The following NLRP13 variants were observed in gnomAD, a reference collection of about 807,000 sequenced individuals.
The protein encoded by NLRP13 is NACHT, LRR and PYD domains-containing protein 13.
In NLRP13, 82 loss-of-function variants were observed where a neutral mutation model predicts 94.4. The observed-to-expected ratio is 0.87, with a 90% CI of 0.73 to 1.04. The LOEUF is 1.04. NLRP13 is among the 50% of genes least tolerant of loss of function. NLRP13 has a pLI of 0.00. For missense variants in NLRP13, 1,426 were observed against 1,230.8 expected (o/e 1.16, Z -2.37); for synonymous variants, 553 against 464.7 (o/e 1.19, Z -2.45).
At chr19:55,895,543 C>A (rs1160460390), downstream of NLRP13, among the ~76,000 whole-genome samples, 1 of 151,932 alleles carries the variant, frequency 6.6e-6, no homozygotes, top group Admixed American at 6.6e-5. Flanking sequence ...ATTAGCTGGG[C>A]GTGGTGGTGG....
In NLRP13 at chr19:55,912,899, G is replaced by C. The variant is rs1169577867; in HGVS notation, c.918C>G (p.Leu306=). 6.2e-7 allele frequency: 1 copy of C among 1,614,174 alleles called. No homozygotes were observed. The highest frequency in any genetic ancestry group is 8.5e-7 in the Non-Finnish European group (1 of 1,180,026). ...CCTCAAAGCCATCAATAATAAACAG[G>C]AGCTTCTCTGGTTGAGACATGAACT... The part of the protein sequence containing the change: ...IEEFMSQPEK[L]LFIIDGFEEI... The change falls in exon 5 of 11, where the codon CTC becomes CTG. Residue 306 remains leucine, a synonymous_variant. Coordinates refer to ENST00000342929, the MANE Select transcript of NLRP13 (RefSeq NM_176810.2).
At chr19:55,911,053 C>G (rs1015086206) in intron 5 of NLRP13, among the ~76,000 whole-genome samples, 3 of 152,118 alleles carry the variant, frequency 2.0e-5, no homozygotes, top group Admixed American at 6.5e-5. Flanking sequence ...CTACATCTGT[C>G]AGGGTGTGGG....
At chr19:55,921,851 G>A (rs545331028) in intron 4 of NLRP13, among the ~76,000 whole-genome samples, 1 of 152,270 alleles carries the variant, frequency 6.6e-6, no homozygotes, top group South Asian at 2.1e-4. Flanking sequence ...CACCAGAGCT[G>A]GAAGAGACCA....
Position 55,923,949 on chromosome 19 carries a change from G to T in NLRP13, c.488C>A (p.Pro163Gln), listed in dbSNP as rs775539329. The T allele has an allele frequency of 1.2e-6, 2 of 1,613,748 alleles. No individual in the cohort carries two copies. Among genetic ancestry groups the T allele is most frequent in the Non-Finnish European group, 1.7e-6 (2 of 1,179,788 alleles). ...GNVQAQGCQD[P>Q]NQEEPEMLEE... ...TAGCATCTCTGGTTCTTCTTGGTTT[G>T]GATCTTGGCATCCCTGGGCCTGTAC... The change falls in exon 4 of 11, where the codon CCA (proline) becomes CAA (glutamine). Residue 163 changes from proline to glutamine, a missense_variant. Pro to Gln is a moderately conservative substitution (Grantham distance 76). Coordinates refer to ENST00000342929, the MANE Select transcript of NLRP13 (RefSeq NM_176810.2).
At chr19:55,895,599 C>T (rs1434393871), downstream of NLRP13, among the ~76,000 whole-genome samples, 2 of 151,476 alleles carry the variant, frequency 1.3e-5, no homozygotes, top group East Asian at 2.0e-4. Flanking sequence ...AGGAAAATTG[C>T]TTAAACCCGG....
intron 7 of NLRP13, among the ~76,000 whole-genome samples, chr19:55,907,388 A>G (rs1466643731): frequency 6.6e-6 from 1 of 152,120 alleles, no homozygotes; most frequent in African/African-American, 2.4e-5. Context: ...CCTGGGAAAC[A>G]TGGCAAAACC....
intron 7 of NLRP13, 152 bp from the exon 8 acceptor site, chr19:55,905,264 A>T: frequency 1.1e-6 from 1 of 900,488 alleles, no homozygotes; most frequent in South Asian, 1.8e-5. Flanking sequence ...AAAAAGGGCC[A>T]GGCGCAGTGG....
At chr19:55,892,311 T>G (rs1274154179), downstream of NLRP13, among the ~76,000 whole-genome samples, 1 of 152,158 alleles carries the variant, frequency 6.6e-6, no homozygotes, top group Non-Finnish European at 1.5e-5. Flanking sequence ...AACCCTTGCC[T>G]CCTTCCTACT....
At chr19:55,894,576 A>G (rs1985948455), downstream of NLRP13, among the ~76,000 whole-genome samples, 1 of 152,104 alleles carries the variant, frequency 6.6e-6, no homozygotes, top group Non-Finnish European at 1.5e-5. Flanking sequence ...CTCAGGATCA[A>G]TGGTACCGCC....
At chr19:55,927,053 A>G (rs2123146968) in intron 1 of NLRP13, among the ~76,000 whole-genome samples, 1 of 152,160 alleles carries the variant, frequency 6.6e-6, no homozygotes, top group East Asian at 1.9e-4. Context: ...ACCAACCCAA[A>G]AGAGAGAATA....
At chr19:55,899,462 A>G (rs12462776) in intron 9 of NLRP13, among the ~76,000 whole-genome samples, 14,537 of 151,286 alleles carry the variant, frequency 0.096, 1,185 homozygotes, top group East Asian at 0.32. Flanking sequence ...GAGTCATCCA[A>G]AATCCTTAAA....
intron 10 of NLRP13, among the ~76,000 whole-genome samples, 157 bp downstream of exon 10, chr19:55,898,612 TG>T (rs1435045922): frequency 6.6e-6 from 1 of 152,204 alleles, no homozygotes; most frequent in Non-Finnish European, 1.5e-5. Flanking sequence ...CCCAAAGTGC[TG>T]GGGTTACGGG....
At chr19:55,925,666 AG>A (rs1191385782) in intron 1 of NLRP13, among the ~76,000 whole-genome samples, 2 of 152,206 alleles carry the variant, frequency 1.3e-5, no homozygotes, top group African/African-American at 4.8e-5. Flanking sequence ...CTCATGAGCT[AG>A]AAGACCTCTT....
At chr19:55,920,919 T>A (rs1986806683) in intron 4 of NLRP13, among the ~76,000 whole-genome samples, 1 of 152,112 alleles carries the variant, frequency 6.6e-6, no homozygotes, top group Non-Finnish European at 1.5e-5. Context: ...TACACATATA[T>A]ACACACCCAG....
intron 8 of NLRP13, among the ~76,000 whole-genome samples, chr19:55,904,554 T>G (rs943382504): frequency 1.3e-5 from 2 of 152,212 alleles, no homozygotes; most frequent in African/African-American, 4.8e-5. Flanking sequence ...TCTACTTTGT[T>G]TTTCTTCATA....
At chr19:55,920,203 T>C (rs1456349252) in intron 4 of NLRP13, among the ~76,000 whole-genome samples, 1 of 152,202 alleles carries the variant, frequency 6.6e-6, no homozygotes, top group African/African-American at 2.4e-5. Flanking sequence ...GATTTAAATG[T>C]AAGACCTGAA....
chr19:55,903,803 C>G (rs556352676), intron 8 of NLRP13, among the ~76,000 whole-genome samples: 1 of 152,288 alleles, frequency 6.6e-6, no homozygotes, highest in South Asian at 2.1e-4. Context: ...AATCCTATAA[C>G]CTCCCCATGG....
intron 7 of NLRP13, 62 bp downstream of exon 7, chr19:55,907,730 T>G (rs991545844): frequency 2.0e-6 from 3 of 1,520,824 alleles, no homozygotes; most frequent in East Asian, 4.5e-5. Context: ...TCCCAGTGGA[T>G]CGTGGAAGCT....
intron 4 of NLRP13, among the ~76,000 whole-genome samples, chr19:55,917,666 T>TA (rs966851131): frequency 3.9e-5 from 6 of 151,990 alleles, no homozygotes; most frequent in Admixed American, 3.9e-4. Context: ...AGCAACAGTT[T>TA]AAAAAAAGGC....
Sources: gnomAD v4.1 joint callset for allele counts (sites outside exome capture counted in the v4.1 genomes callset) on GRCh38, gnomAD v4.1.1 for gene constraint, MANE v1.5 for transcripts, NCBI Gene and HGNC (gene_info 2026-07-23, HGNC 2026-07-21) for gene names.